CNTNAP2: variants seen among roughly 807,000 people sequenced by gnomAD.
CNTNAP2 encodes contactin associated protein 2, also known as contactin-associated protein-like 2.
CNTNAP2 carries 98 observed loss-of-function variants against 155.2 expected under a neutral mutation model. The observed-to-expected ratio is 0.63, with a 90% CI of 0.54 to 0.75. The LOEUF (loss-of-function observed/expected upper bound fraction) is 0.75, where lower values mean the gene tolerates loss of function less well. Ranked by LOEUF, CNTNAP2 falls within the 30% of genes least tolerant of loss-of-function variation. The pLI, the probability that CNTNAP2 is intolerant of heterozygous loss-of-function variation, is 0.00. For synonymous variants in CNTNAP2, 651 were observed against 631.2 expected (o/e 1.03, Z -0.47); for missense variants, 1,727 against 1,688.1 (o/e 1.02, Z -0.40).
intron 1 of CNTNAP2, among the ~76,000 whole-genome samples, chr7:146,207,637 GTTT>G (rs57881187): frequency 7.4e-5 from 9 of 122,346 alleles, no homozygotes; most frequent in Non-Finnish European, 1.0e-4. Flanking sequence ...ACAGGACTGT[GTTT>G]TTTTTTTTTT....
At chr7:147,946,163 A>G (rs1330530900) in intron 14 of CNTNAP2, among the ~76,000 whole-genome samples, 2 of 152,020 alleles carry the variant, frequency 1.3e-5, no homozygotes, top group African/African-American at 2.4e-5. Flanking sequence ...TTCATTCTTG[A>G]CTTCTTCTAA....
intron 10 of CNTNAP2, among the ~76,000 whole-genome samples, chr7:147,460,854 A>G (rs1355023078): frequency 6.6e-6 from 1 of 152,172 alleles, no homozygotes; most frequent in East Asian, 1.9e-4. Flanking sequence ...TTGAATGTTG[A>G]CCATAGTATT....
intron 1 of CNTNAP2, among the ~76,000 whole-genome samples, chr7:146,590,930 GA>G (rs1798772205): frequency 1.3e-5 from 2 of 152,218 alleles, no homozygotes; most frequent in South Asian, 2.1e-4. Context: ...TGGTATGTTA[GA>G]TTTTTTTACT....
chr7:146,706,856 T>G (rs1044033163), intron 1 of CNTNAP2, among the ~76,000 whole-genome samples: 2 of 144,798 alleles, frequency 1.4e-5, no homozygotes, highest in African/African-American at 5.2e-5. Context: ...TGTACAACAA[T>G]CCCCATGACA....
intron 1 of CNTNAP2, among the ~76,000 whole-genome samples, chr7:146,189,192 A>G (rs1798667506): frequency 6.6e-6 from 1 of 152,176 alleles, no homozygotes; most frequent in African/African-American, 2.4e-5. Flanking sequence ...TCTTTGATCC[A>G]TACTCTCTCA....
intron 3 of CNTNAP2, among the ~76,000 whole-genome samples, chr7:146,938,388 AAGT>A (rs66528411): frequency 0.33 from 49,636 of 148,846 alleles, 8,585 homozygotes; most frequent in Non-Finnish European, 0.36. Flanking sequence ...GTAGAAGTAG[AAGT>A]AGTTTTATAT....
chr7:146,997,639 T>A (rs1327974582), intron 3 of CNTNAP2, among the ~76,000 whole-genome samples: 1 of 152,126 alleles, frequency 6.6e-6, no homozygotes, highest in Non-Finnish European at 1.5e-5. Flanking sequence ...TATTAGTTCT[T>A]TAAATGTCTG....
rs368487049 is a variant in CNTNAP2 at position 147,044,016 on chromosome 7, G to A, written c.512G>A (p.Arg171His). ...IVPLDWNGEG[R>H]IGLRIEVYGC... ...CCTCTGGATTGGAATGGAGAAGGTCGCATTGGACTCAGAATTGAAGTTTAT... is the reference window on the plus strand; with the variant it reads ...CCTCTGGATTGGAATGGAGAAGGTCACATTGGACTCAGAATTGAAGTTTAT... Residue 171 changes from arginine (R) to histidine (H), a missense_variant, in exon 4 of 24, where the codon CGC becomes CAC. Transcript: ENST00000361727. 22 of 1,614,134 alleles carry A rather than the reference G, an allele frequency of 1.4e-5. No homozygotes were observed. The African/African-American group carries it at 1.6e-4, about 12-fold the overall frequency.
At chr7:146,758,993 A>G (rs1399289705) in intron 1 of CNTNAP2, among the ~76,000 whole-genome samples, 1 of 152,112 alleles carries the variant, frequency 6.6e-6, no homozygotes, top group Non-Finnish European at 1.5e-5. Flanking sequence ...GATCCAATCA[A>G]TTTTCTTCCT....
At chr7:148,368,491 A>G (rs1306991369) in intron 21 of CNTNAP2, among the ~76,000 whole-genome samples, 1 of 152,150 alleles carries the variant, frequency 6.6e-6, no homozygotes, top group East Asian at 1.9e-4. Flanking sequence ...GGCACTTCCT[A>G]GCTCATGTGA....
chr7:146,334,648 G>T (rs548911533), intron 1 of CNTNAP2, among the ~76,000 whole-genome samples: 1 of 152,080 alleles, frequency 6.6e-6, no homozygotes, highest in East Asian at 1.9e-4. Context: ...TCTACCTGTA[G>T]ATATCCATTT....
intron 1 of CNTNAP2, among the ~76,000 whole-genome samples, chr7:146,460,034 C>G (rs1392061619): frequency 1.3e-5 from 2 of 152,010 alleles, no homozygotes; most frequent in Non-Finnish European, 2.9e-5. Context: ...AGAGGCAGAA[C>G]AGAGGAAGTT....
At chr7:146,211,026 GA>G (rs1203289421) in intron 1 of CNTNAP2, among the ~76,000 whole-genome samples, 2 of 152,116 alleles carry the variant, frequency 1.3e-5, no homozygotes, top group African/African-American at 2.4e-5. Context: ...TTGGAGAAAA[GA>G]AAGAAGAATG....
At chr7:147,278,705 A>C (rs572964643) in intron 8 of CNTNAP2, among the ~76,000 whole-genome samples, 13 of 151,608 alleles carry the variant, frequency 8.6e-5, no homozygotes, top group Non-Finnish European at 1.3e-4. Flanking sequence ...ATTGGAAATA[A>C]ATAAAAGCGT....
In CNTNAP2 at chr7:146,842,532, A is replaced by C. The variant is rs530919442; in HGVS notation, c.402+2628A>C. Among the ~76,000 whole-genome samples the C allele has an allele frequency of 2.0e-3, 307 of 152,236 alleles. 2 individuals carry two copies. The highest frequency in any genetic ancestry group is 6.9e-3 in the African/African-American group (288 of 41,516). ...ACCTGAGACTGGGTAATTTACGAAGAAAAGAGTTTTGATTGACTCACGTTT... is the reference window on the plus strand; with the variant it reads ...ACCTGAGACTGGGTAATTTACGAAGCAAAGAGTTTTGATTGACTCACGTTT... On this transcript the variant is annotated intron_variant, in intron 3 of 23. Coordinates refer to ENST00000361727, the MANE Select transcript of CNTNAP2 (RefSeq NM_014141.6).
chr7:147,179,350 T>C (rs1802410965), intron 8 of CNTNAP2, among the ~76,000 whole-genome samples: 1 of 152,172 alleles, frequency 6.6e-6, no homozygotes, highest in South Asian at 2.1e-4. Context: ...AGGGAAGTCC[T>C]CTCTGAGGAG....
At chr7:147,360,150 T>C (rs1796123955) in intron 9 of CNTNAP2, among the ~76,000 whole-genome samples, 1 of 152,192 alleles carries the variant, frequency 6.6e-6, no homozygotes, top group African/African-American at 2.4e-5. Context: ...TATGCATGGC[T>C]TCAAGCTTTG....
intron 20 of CNTNAP2, among the ~76,000 whole-genome samples, chr7:148,231,621 A>G (rs1470910367): frequency 1.3e-5 from 2 of 151,962 alleles, no homozygotes; most frequent in East Asian, 3.9e-4. Flanking sequence ...TGCATGCTCC[A>G]TCTTTCACAT....
intron 1 of CNTNAP2, among the ~76,000 whole-genome samples, chr7:146,668,433 T>TGTGG (rs1554465240): frequency 1.9e-5 from 1 of 52,870 alleles, no homozygotes; most frequent in South Asian, 1.5e-3. Flanking sequence ...TTTTCCTGTG[T>TGTGG]GTGTGTGTGT....
Sources: gnomAD v4.1 joint callset for allele counts (sites outside exome capture counted in the v4.1 genomes callset) on GRCh38, gnomAD v4.1.1 for gene constraint, MANE v1.5 for transcripts, NCBI Gene and HGNC (gene_info 2026-07-23, HGNC 2026-07-21) for gene names.